The following SIN3A variants were observed in gnomAD, a reference collection of about 807,000 sequenced individuals.
SIN3A encodes paired amphipathic helix protein Sin3a.
In SIN3A, 14 loss-of-function variants were observed where a neutral mutation model predicts 146.1. The ratio of observed to expected loss-of-function variants is 0.10; its 90% CI spans 0.06 to 0.15. SIN3A has a LOEUF of 0.15. SIN3A is among the 10% of genes least tolerant of loss of function. The pLI is 1.00. For synonymous variants in SIN3A, 572 were observed against 572.0 expected (o/e 1.00, Z 0.00); for missense variants, 1,028 against 1,576.0 (o/e 0.65, Z 5.89).
intron 1 of SIN3A, among the ~76,000 whole-genome samples, chr15:75,442,120 CAAAAAAAAAAAA>C (rs57418865): frequency 4.7e-3 from 139 of 29,268 alleles, no homozygotes; most frequent in African/African-American, 0.019. Flanking sequence ...GACTCTGTCT[CAAAAAAAAAAAA>C]AAAAAAAAAA....
At chr15:75,389,934 G>C in intron 15 of SIN3A, 113 bp from the exon 16 acceptor site, 1 of 954,140 alleles carries the variant, frequency 1.0e-6, no homozygotes, top group African/African-American at 1.6e-5. Flanking sequence ...ATGAACACTA[G>C]GTATTCAAAA....
rs772985284 is a variant in SIN3A at position 75,407,118 on chromosome 15, C to T, written c.1344G>A (p.Lys448=). 2.5e-6 allele frequency: 4 copies of T among 1,612,374 alleles called. No individual in the cohort carries two copies. Residue 448 remains lysine (K), a synonymous_variant, in exon 9 of 21, where the codon AAG becomes AAA. Transcript: ENST00000394947. The part of the protein sequence containing the change: ...VKKKPKLLNL[K]DSSMADASKH... ...TGCTGGCATCTGCCATAGAAGAATC[C>T]TTCAGATTGAGCAGTTTGGGTTTCT... is the stretch of plus-strand genomic sequence containing the variant.
chr15:75,419,992 T>C (rs964153219), intron 3 of SIN3A: 2 of 152,142 alleles, frequency 1.3e-5, no homozygotes, highest in Non-Finnish European at 2.9e-5. Context: ...TAAATGCATG[T>C]ATACAGTTCT....
intron 1 of SIN3A, among the ~76,000 whole-genome samples, chr15:75,438,586 G>A (rs946864636): frequency 6.6e-6 from 1 of 151,992 alleles, no homozygotes; most frequent in Non-Finnish European, 1.5e-5. Context: ...CTGCTTAGGA[G>A]GCTGAGGTGG....
chr15:75,380,811 C>A (rs1249055792), intron 18 of SIN3A, 88 bp from the exon 19 acceptor site: 1 of 857,284 alleles, frequency 1.2e-6, no homozygotes, highest in East Asian at 2.5e-5. Flanking sequence ...TCTATGATTA[C>A]AATGCCCCGA....
upstream of SIN3A, chr15:75,454,766 G>C (rs2074464826): frequency 6.6e-6 from 1 of 152,354 alleles, no homozygotes; most frequent in Admixed American, 6.5e-5. Context: ...GGCACGGTCG[G>C]GGGAGGGGAA....
At chr15:75,411,854 T>G (rs2073646508) in intron 5 of SIN3A, 111 bp from the exon 6 acceptor site, 2 of 1,164,746 alleles carry the variant, frequency 1.7e-6, no homozygotes, top group Middle Eastern at 2.8e-4. Flanking sequence ...ATTTACTCAC[T>G]CAGGCCAGGT....
At chr15:75,439,487 C>T (rs1011564031) in intron 1 of SIN3A, among the ~76,000 whole-genome samples, 7 of 151,980 alleles carry the variant, frequency 4.6e-5, no homozygotes, top group Non-Finnish European at 8.8e-5. Flanking sequence ...ACTACAGGCG[C>T]CTGCCACCAC....
chr15:75,451,196 G>C (rs1355361572), intron 1 of SIN3A, among the ~76,000 whole-genome samples: 1 of 148,442 alleles, frequency 6.7e-6, no homozygotes, highest in African/African-American at 2.5e-5. Flanking sequence ...GGCGGCGCGA[G>C]AGCCCGCCCC....
At chr15:75,447,422 G>C (rs1015514515) in intron 1 of SIN3A, among the ~76,000 whole-genome samples, 1 of 152,218 alleles carries the variant, frequency 6.6e-6, no homozygotes, top group Admixed American at 6.5e-5. Flanking sequence ...ATCGAGTGGA[G>C]ACCTTGAGTG....
In SIN3A at chr15:75,389,748, G is replaced by C; in HGVS notation, c.2925C>G (p.Asp975Glu). 6.2e-7 allele frequency: 1 copy of C among 1,614,078 alleles called. No homozygotes were observed. The highest frequency in any genetic ancestry group is 8.5e-7 in the Non-Finnish European group (1 of 1,179,976). The change falls in exon 16 of 21, where the codon GAC (aspartate) becomes GAG (glutamate). Residue 975 changes from aspartate (D) to glutamate (E), a missense_variant. Asp to Glu is a conservative substitution (Grantham distance 45). Coordinates refer to ENST00000394947, the MANE Select transcript of SIN3A (RefSeq NM_001145358.2). ...TCAGTGAATCTTCATACTGTGATGA[G>C]TCTATGTTGCCATCCAGCAGGCTCC... ...MVRSLLDGNI[D>E]SSQYEDSLRE...
intron 5 of SIN3A, 43 bp downstream of exon 5, chr15:75,412,720 T>C: frequency 1.3e-5 from 19 of 1,506,300 alleles, no homozygotes; most frequent in Non-Finnish European, 1.6e-5. Context: ...AGGTGCTCTC[T>C]AGGGATGCAT....
Position 75,409,551 on chromosome 15 carries a change from C to T in SIN3A, c.1317+285G>A, listed in dbSNP as rs181040335. Among the ~76,000 whole-genome samples the T allele has an allele frequency of 6.4e-4, 97 of 151,456 alleles. 2 individuals carry two copies. In the East Asian group the frequency reaches 0.018, roughly 27 times the overall value. On this transcript the variant is annotated intron_variant, in intron 8 of 20. Coordinates refer to ENST00000394947, the MANE Select transcript of SIN3A (RefSeq NM_001145358.2). ...ACCATCCTGGCTAACACGGTGAAACCCCGTCTCCACTAAAAAAAAAAAAAA... is the reference window on the plus strand; with the variant it reads ...ACCATCCTGGCTAACACGGTGAAACTCCGTCTCCACTAAAAAAAAAAAAAA...
At position 75,394,940 on chromosome 15, in the gene SIN3A, TTTAG is replaced by T. The variant is rs1272661732; in HGVS notation, c.2094-81_2094-78del. Reference sequence around the variant, plus strand: ...GAAGAAAGAAATTTGCCAGGCTTACTTTAGTTAAAGAAAGGTGCAAAGCTATATT... The same window carrying T: ...GAAGAAAGAAATTTGCCAGGCTTACTTTAAAGAAAGGTGCAAAGCTATATT... On this transcript the variant is annotated intron_variant, in intron 13 of 20. Coordinates refer to ENST00000394947, the MANE Select transcript of SIN3A (RefSeq NM_001145358.2). The T allele has an allele frequency of 4.6e-5, 64 of 1,396,174 alleles. No individual in the cohort carries two copies. In the African/African-American group the frequency reaches 9.2e-4, roughly 20 times the overall value. The allele number at this position is 1,396,174 out of a possible 1,614,324, so 86.5% of individuals were successfully genotyped here.
chr15:75,436,581 G>T (rs774934004), intron 1 of SIN3A: 1 of 152,210 alleles, frequency 6.6e-6, no homozygotes, highest in Admixed American at 6.5e-5. Flanking sequence ...TTGATGGAGC[G>T]ATGGATAGAT....
At chr15:75,396,117 C>T (rs1567340784) in intron 13 of SIN3A, 141 bp downstream of exon 13, 1 of 673,272 alleles carries the variant, frequency 1.5e-6, no homozygotes, top group South Asian at 1.9e-5. Context: ...TTCCATTCTG[C>T]ACCTGAATTC....
At chr15:75,410,645 C>T (rs1342096053) in intron 6 of SIN3A, among the ~76,000 whole-genome samples, 2 of 152,068 alleles carry the variant, frequency 1.3e-5, no homozygotes, top group African/African-American at 4.8e-5. Context: ...TACCAACTGA[C>T]AAAACCTTAG....
At chr15:75,430,495 A>T in intron 1 of SIN3A, 87 bp from the exon 2 acceptor site, 1 of 1,033,702 alleles carries the variant, frequency 9.7e-7, no homozygotes, top group Non-Finnish European at 1.4e-6. Flanking sequence ...CAAGTTTAGT[A>T]AAAGCTTGAC....
intron 19 of SIN3A, among the ~76,000 whole-genome samples, chr15:75,378,066 A>G (rs1346678457): frequency 6.6e-6 from 1 of 152,252 alleles, no homozygotes; most frequent in Non-Finnish European, 1.5e-5. Context: ...TATTAAATCA[A>G]TGTGATTTCT....
Sources: allele counts gnomAD v4.1 joint callset (sites outside exome capture counted in the v4.1 genomes callset), GRCh38; gene constraint gnomAD v4.1.1; transcripts MANE v1.5; gene names NCBI Gene and HGNC (gene_info 2026-07-23, HGNC 2026-07-21).